The following DENND1A variants were observed in gnomAD, a reference collection of about 807,000 sequenced individuals.
DENND1A encodes the protein DENN domain containing 1A.
Under a neutral mutation model 113.7 loss-of-function variants are expected in DENND1A, and 51 were observed. The ratio of observed to expected loss-of-function variants is 0.45; its 90% CI spans 0.36 to 0.57. DENND1A has a LOEUF of 0.57. Ranked by LOEUF, DENND1A falls within the 20% of genes least tolerant of loss-of-function variation. The pLI is 0.00. For missense variants in DENND1A, 1,258 were observed against 1,395.9 expected, an observed-to-expected ratio of 0.90 and a Z score of 1.57; for synonymous variants, 565 against 570.8, an observed-to-expected ratio of 0.99 and a Z score of 0.14.
intron 5 of DENND1A, among the ~76,000 whole-genome samples, chr9:123,739,971 C>A (rs187342529): frequency 2.7e-5 from 4 of 150,746 alleles, no homozygotes; most frequent in Non-Finnish European, 5.9e-5. Flanking sequence ...CACAAAACAC[C>A]AAGGGTTAGA....
chr9:123,885,367 A>C (rs1400556072), intron 1 of DENND1A, among the ~76,000 whole-genome samples: 1 of 152,206 alleles, frequency 6.6e-6, no homozygotes, highest in Non-Finnish European at 1.5e-5. Context: ...GAGGGTACCA[A>C]CTGTGTCTTC....
chr9:123,919,567 T>C (rs749327098), intron 1 of DENND1A, among the ~76,000 whole-genome samples: 4 of 151,500 alleles, frequency 2.6e-5, no homozygotes, highest in Non-Finnish European at 4.4e-5. Context: ...TAGAGGCACA[T>C]ATGGAAGTAT....
At chr9:123,612,399 A>G (rs1398682017) in intron 10 of DENND1A, among the ~76,000 whole-genome samples, 3 of 152,212 alleles carry the variant, frequency 2.0e-5, no homozygotes, top group Non-Finnish European at 4.4e-5. Flanking sequence ...TTATTTTTAA[A>G]AGAAATGTTT....
chr9:123,737,327 C>T (rs1390360627), intron 5 of DENND1A, among the ~76,000 whole-genome samples: 1 of 152,100 alleles, frequency 6.6e-6, no homozygotes, highest in Non-Finnish European at 1.5e-5. Context: ...TCCCAAGTAG[C>T]TGGAACTACA....
At chr9:123,648,655 AT>A (rs970972267) in intron 9 of DENND1A, among the ~76,000 whole-genome samples, 1 of 152,060 alleles carries the variant, frequency 6.6e-6, no homozygotes, top group African/African-American at 2.4e-5. Context: ...CGATTTTAAT[AT>A]TTTCTTTTAT....
chr9:123,929,464 CGCA>C lies in DENND1A; in HGVS notation c.17+422_17+424del, dbSNP rs965464485. Among the ~76,000 whole-genome samples, 37 of 152,178 alleles carry C rather than the reference CGCA, an allele frequency of 2.4e-4. 2 individuals carry two copies. The highest frequency in any genetic ancestry group is 1.5e-5 in the Non-Finnish European group (1 of 68,034). On this transcript the variant is annotated intron_variant, in intron 1 of 23. Transcript: ENST00000394215. The stretch of plus-strand genomic sequence containing the variant: ...AACCTCACGCGACTTCTGTGGGGGC[CGCA>C]GGCCTCAAGCGGCCAGGCTGCAACC...
intron 1 of DENND1A, among the ~76,000 whole-genome samples, chr9:123,914,544 CAAA>C (rs1290774207): frequency 6.1e-5 from 4 of 65,234 alleles, no homozygotes; most frequent in Admixed American, 1.9e-4. Context: ...GACTCCATCT[CAAA>C]AAAAAAAAAA....
chr9:123,875,610 C>A (rs1847336630), intron 2 of DENND1A, among the ~76,000 whole-genome samples: 1 of 152,204 alleles, frequency 6.6e-6, no homozygotes, highest in African/African-American at 2.4e-5. Flanking sequence ...CCCTATTCCC[C>A]ACTGACAGCT....
chr9:123,556,200 T>C (rs1013006762), intron 13 of DENND1A, among the ~76,000 whole-genome samples: 1 of 152,212 alleles, frequency 6.6e-6, no homozygotes, highest in Non-Finnish European at 1.5e-5. Flanking sequence ...TTCTGCTATG[T>C]GAGCACACAG....
At chr9:123,599,522 G>A (rs553087967) in intron 11 of DENND1A, among the ~76,000 whole-genome samples, 6 of 152,190 alleles carry the variant, frequency 3.9e-5, no homozygotes, top group East Asian at 3.9e-4. Context: ...ATGGCACTTC[G>A]GTCATATTAT....
chr9:123,496,117 G>GAA (rs1160137493), intron 13 of DENND1A, among the ~76,000 whole-genome samples: 2 of 152,116 alleles, frequency 1.3e-5, no homozygotes, highest in African/African-American at 4.8e-5. Context: ...CATACACCAG[G>GAA]CAAAGGATTG....
intron 5 of DENND1A, among the ~76,000 whole-genome samples, chr9:123,731,294 T>C (rs986716990): frequency 6.6e-6 from 1 of 152,142 alleles, no homozygotes; most frequent in Non-Finnish European, 1.5e-5. Context: ...AGCTGGAAGA[T>C]TAATGCTATC....
chr9:123,401,594 T>TGG, intron 21 of DENND1A: 1 of 1,412,878 alleles, frequency 7.1e-7, no homozygotes, highest in Non-Finnish European at 9.2e-7. Flanking sequence ...CTGGCTCCCA[T>TGG]GCTCCCACTG....
At chr9:123,870,668 C>A (rs1430979288) in intron 2 of DENND1A, among the ~76,000 whole-genome samples, 2 of 152,034 alleles carry the variant, frequency 1.3e-5, no homozygotes, top group Non-Finnish European at 2.9e-5. Flanking sequence ...ATCTCCTGAC[C>A]TCGTGATCCG....
At chr9:123,504,210 A>G (rs2052724013) in intron 13 of DENND1A, among the ~76,000 whole-genome samples, 1 of 152,130 alleles carries the variant, frequency 6.6e-6, no homozygotes, top group African/African-American at 2.4e-5. Flanking sequence ...CATCTGGTGA[A>G]ACTGCACTCG....
At chr9:123,664,148 T>C (rs10124888) in intron 8 of DENND1A, among the ~76,000 whole-genome samples, 68,538 of 152,148 alleles carry the variant, frequency 0.45, 17,419 homozygotes, top group African/African-American at 0.69. Flanking sequence ...TACACATACA[T>C]ACATACCTTT....
intron 9 of DENND1A, among the ~76,000 whole-genome samples, chr9:123,645,706 A>G (rs2062284016): frequency 1.3e-5 from 2 of 152,226 alleles, no homozygotes; most frequent in Non-Finnish European, 1.5e-5. Context: ...AAAGCCTTTT[A>G]AAAGTCATAG....
rs1176405237 is a variant in DENND1A, at chr9:123,381,873, C to A, written c.2772G>T (p.Gly924=). 1.4e-6 allele frequency: 2 copies of A among 1,460,722 alleles called. No individual in the cohort carries two copies. The highest frequency in any genetic ancestry group is 1.8e-6 in the Non-Finnish European group (2 of 1,106,464). 90.5% of individuals were successfully genotyped at this position (1,460,722 alleles called of 1,614,324 possible). A position where few individuals can be genotyped will look rare whatever the true frequency, so the allele number is the denominator to read the frequency against. The change falls in exon 24 of 24, where the codon GGG becomes GGT. Residue 924 remains glycine, a synonymous_variant. Transcript: ENST00000394215. This position sits in a 1 kb window ranked among gnomAD's most constrained non-coding sequence, Gnocchi z 4.7. The part of the protein sequence containing the change: ...GPFGAPPASL[G]PAFASGLLLS... ...GCAGGAGGCCGGACGCAAAAGCCGG[C>A]CCCAGGGAAGCTGGAGGGGCCCCGA...
chr9:123,678,095 T>C (rs2064207956), intron 5 of DENND1A, among the ~76,000 whole-genome samples: 1 of 152,158 alleles, frequency 6.6e-6, no homozygotes, highest in African/African-American at 2.4e-5. Context: ...CTCTTTTCTG[T>C]GCTGCCCTGG....
Sources: allele counts gnomAD v4.1 joint callset (sites outside exome capture counted in the v4.1 genomes callset), GRCh38; gene constraint gnomAD v4.1.1; non-coding constraint Gnocchi (gnomAD v3.1); transcripts MANE v1.5; gene names NCBI Gene and HGNC (gene_info 2026-07-23, HGNC 2026-07-21).